RBMS3: variants seen among roughly 807,000 people sequenced by gnomAD.
The protein encoded by RBMS3 is RNA binding motif single stranded interacting protein 3.
In RBMS3, 27 loss-of-function variants were observed where a neutral mutation model predicts 66.8. That is an observed-to-expected ratio of 0.40 (90% CI 0.30 to 0.56). The LOEUF (loss-of-function observed/expected upper bound fraction) is 0.56, where lower values mean the gene tolerates loss of function less well. RBMS3 is among the 20% of genes least tolerant of loss of function. The pLI, the probability that RBMS3 is intolerant of heterozygous loss-of-function variation, is 0.40. For synonymous variants in RBMS3, 188 were observed against 183.0 expected, an observed-to-expected ratio of 1.03 and a Z score of -0.22; for missense variants, 513 against 549.5, an observed-to-expected ratio of 0.93 and a Z score of 0.66.
chr3:29,385,458 G>A (rs1198990030), intron 1 of RBMS3, among the ~76,000 whole-genome samples: 1 of 152,112 alleles, frequency 6.6e-6, no homozygotes, highest in Non-Finnish European at 1.5e-5. Flanking sequence ...TTCAAACTTG[G>A]ATACCCCAGA....
chr3:29,709,214 C>T (rs1028286203), intron 4 of RBMS3, among the ~76,000 whole-genome samples: 8 of 152,132 alleles, frequency 5.3e-5, no homozygotes, highest in Non-Finnish European at 1.0e-4. Flanking sequence ...CTGCAGCCAA[C>T]GAGTAATCAG....
At position 30,006,446 on chromosome 3, in the gene RBMS3, C is replaced by T. The variant is rs1699804955; in HGVS notation, c.*2584C>T. On this transcript the variant is annotated 3_prime_UTR_variant, in exon 15 of 15. Coordinates refer to ENST00000383767, the MANE Select transcript of RBMS3 (RefSeq NM_001003793.3). ...AGTGTGCGTTATAGAGAAATTCCAA[C>T]TGGTCACACTCACCATTATGGTTTT... The T allele has an allele frequency of 6.6e-6, 1 of 151,854 alleles. No individual in the cohort carries two copies. Among genetic ancestry groups the T allele is most frequent in the African/African-American group, 2.4e-5 (1 of 41,406 alleles). 9.4% of individuals were successfully genotyped at this position (151,854 alleles called of 1,614,324 possible).
chr3:29,472,915 C>G (rs912774276), intron 2 of RBMS3, among the ~76,000 whole-genome samples: 2 of 151,960 alleles, frequency 1.3e-5, no homozygotes, highest in Non-Finnish European at 2.9e-5. Flanking sequence ...TGGCCCCACC[C>G]ACATCCTGCT....
At chr3:29,865,899 A>G (rs2149544396) in intron 6 of RBMS3, among the ~76,000 whole-genome samples, 1 of 152,220 alleles carries the variant, frequency 6.6e-6, no homozygotes, top group African/African-American at 2.4e-5. Context: ...CAGTATTGTT[A>G]CAACTGCAGG....
At chr3:29,677,552 AG>A (rs1277420034) in intron 4 of RBMS3, among the ~76,000 whole-genome samples, 1 of 152,158 alleles carries the variant, frequency 6.6e-6, no homozygotes, top group Non-Finnish European at 1.5e-5. Flanking sequence ...TGCACTTTAT[AG>A]GTGACTCATT....
rs191488075 is a variant in RBMS3, at chr3:30,009,876, A to C, written c.*6014A>C. 113 of 152,292 alleles carry C rather than the reference A, an allele frequency of 7.4e-4. 1 individual carries two copies. The highest frequency in any genetic ancestry group is 3.4e-3 in the Admixed American group (52 of 15,296). 9.4% of individuals were successfully genotyped at this position (152,292 alleles called of 1,614,324 possible). A position where few individuals can be genotyped will look rare whatever the true frequency, so the allele number is the denominator to read the frequency against. On this transcript the variant is annotated 3_prime_UTR_variant, in exon 15 of 15. Transcript: ENST00000383767. ...TTTTTCCTCCTCCCTCAAATATGTTATCTCTTCATATATAAAAAAATAAGT... is the reference window on the plus strand; with the variant it reads ...TTTTTCCTCCTCCCTCAAATATGTTCTCTCTTCATATATAAAAAAATAAGT...
intron 8 of RBMS3, among the ~76,000 whole-genome samples, chr3:29,896,568 T>A (rs2060127664): frequency 1.3e-5 from 2 of 151,604 alleles, no homozygotes. Flanking sequence ...GAAACACAAT[T>A]TAAATTCTGC....
At chr3:29,493,109 A>C (rs1247892692) in intron 3 of RBMS3, among the ~76,000 whole-genome samples, 1 of 152,232 alleles carries the variant, frequency 6.6e-6, no homozygotes, top group Non-Finnish European at 1.5e-5. Flanking sequence ...AAAATATAGG[A>C]AGCATCCAAA....
At chr3:29,404,179 T>A (rs1369893709) in intron 1 of RBMS3, among the ~76,000 whole-genome samples, 1 of 152,082 alleles carries the variant, frequency 6.6e-6, no homozygotes, top group Non-Finnish European at 1.5e-5. Context: ...GCATAAAAGT[T>A]TTTAAGTCCT....
intron 4 of RBMS3, among the ~76,000 whole-genome samples, chr3:29,611,888 A>G (rs970820680): frequency 2.6e-5 from 4 of 152,026 alleles, no homozygotes; most frequent in Non-Finnish European, 4.4e-5. Context: ...CACTTTCTGT[A>G]TTTATCCAAA....
In RBMS3 at chr3:29,281,311, A is replaced by AT. The variant is rs11369412; in HGVS notation, c.-364dup. ...TCGGAGTTGTGCTAAAAGGACTTTG[A>AT]TTTTTTTCCCCCTTTACGAACGCTG... On this transcript the variant is annotated 5_prime_UTR_variant, in exon 1 of 15. Transcript: ENST00000383767. 0.9 allele frequency: 203,628 copies of AT among 226,850 alleles called. 91,928 individuals are homozygous for AT. The highest frequency in any genetic ancestry group is 0.93 in the Non-Finnish European group (110,373 of 118,462). 14.1% of individuals were successfully genotyped at this position (226,850 alleles called of 1,614,324 possible). A position where few individuals can be genotyped will look rare whatever the true frequency, so the allele number is the denominator to read the frequency against.
At chr3:29,544,812 A>G (rs1283348209) in intron 3 of RBMS3, among the ~76,000 whole-genome samples, 1 of 152,152 alleles carries the variant, frequency 6.6e-6, no homozygotes, top group Non-Finnish European at 1.5e-5. Context: ...CTGTATTCCA[A>G]TAAAATTTTG....
At chr3:29,379,026 C>G (rs964745366) in intron 1 of RBMS3, among the ~76,000 whole-genome samples, 4 of 152,108 alleles carry the variant, frequency 2.6e-5, no homozygotes, top group Non-Finnish European at 5.9e-5. Flanking sequence ...GAGAGATTTT[C>G]CTTTGAGGTC....
intron 12 of RBMS3, among the ~76,000 whole-genome samples, chr3:29,984,625 ACGCTATT>A (rs912268696): frequency 9.9e-5 from 15 of 151,966 alleles, no homozygotes; most frequent in African/African-American, 3.6e-4. Flanking sequence ...GTTGATGTTG[ACGCTATT>A]CCTTTCTGTT....
chr3:29,715,162 T>C (rs373715000), intron 4 of RBMS3, among the ~76,000 whole-genome samples: 2 of 152,170 alleles, frequency 1.3e-5, no homozygotes, highest in East Asian at 1.9e-4. Flanking sequence ...GTAAAATAAT[T>C]TCCTCCAGTC....
intron 4 of RBMS3, among the ~76,000 whole-genome samples, chr3:29,703,727 T>G (rs1576569646): frequency 6.6e-6 from 1 of 152,306 alleles, no homozygotes; most frequent in Non-Finnish European, 1.5e-5. Flanking sequence ...CCATTCTTAT[T>G]GTGAAAGACC....
chr3:29,323,691 T>TACACACACACACACAC (rs10565045), intron 1 of RBMS3, among the ~76,000 whole-genome samples: 1 of 144,268 alleles, frequency 6.9e-6, no homozygotes, highest in African/African-American at 2.5e-5. Context: ...CACACACACA[T>TACACACACACACACAC]ACACACACAC....
intron 4 of RBMS3, among the ~76,000 whole-genome samples, chr3:29,689,047 A>C (rs978333425): frequency 1.3e-5 from 2 of 152,158 alleles, no homozygotes; most frequent in African/African-American, 4.8e-5. Flanking sequence ...TCATTTAAAA[A>C]AATACACATC....
chr3:29,461,446 C>CAA (rs1210948600), intron 2 of RBMS3, among the ~76,000 whole-genome samples: 2 of 152,188 alleles, frequency 1.3e-5, no homozygotes, highest in Non-Finnish European at 2.9e-5. Flanking sequence ...ACAACAAAAA[C>CAA]AAAGTGCCAA....
Sources: allele counts gnomAD v4.1 joint callset (sites outside exome capture counted in the v4.1 genomes callset), GRCh38; gene constraint gnomAD v4.1.1; transcripts MANE v1.5; gene names NCBI Gene and HGNC (gene_info 2026-07-23, HGNC 2026-07-21).